Variants in AOPEP observed in about 807,000 individuals in gnomAD.
The protein encoded by AOPEP is aminopeptidase O.
In AOPEP, 77 loss-of-function variants were observed where a neutral mutation model predicts 98.1. The ratio of observed to expected loss-of-function variants is 0.78; its 90% CI spans 0.65 to 0.95. AOPEP has a LOEUF of 0.95. Ranked by LOEUF, AOPEP falls within the 40% of genes least tolerant of loss-of-function variation. The pLI is 0.00. For missense variants in AOPEP, 1,024 were observed against 1,024.7 expected, an observed-to-expected ratio of 1.00 and a Z score of 0.01; for synonymous variants, 346 against 365.3, an observed-to-expected ratio of 0.95 and a Z score of 0.60.
intron 4 of AOPEP, among the ~76,000 whole-genome samples, chr9:94,798,713 T>C (rs1250830125): frequency 6.6e-6 from 1 of 152,206 alleles, no homozygotes; most frequent in Admixed American, 6.5e-5. Context: ...AGAGATTATA[T>C]GAACTGAAAT....
intron 7 of AOPEP, among the ~76,000 whole-genome samples, 163 bp from the exon 8 acceptor site, chr9:94,955,014 G>A (rs965526892): frequency 6.6e-6 from 1 of 152,092 alleles, no homozygotes; most frequent in Non-Finnish European, 1.5e-5. Flanking sequence ...TATAAATCCC[G>A]TAGACGAGTA....
the AOPEP span, among the ~76,000 whole-genome samples, chr9:95,109,066 T>C: frequency 1.3e-5 from 2 of 152,110 alleles, no homozygotes; most frequent in African/African-American, 2.4e-5. Flanking sequence ...CACATTACCA[T>C]ACCTGGCTAA....
chr9:94,766,834 G>C (rs1449843457), intron 2 of AOPEP, among the ~76,000 whole-genome samples: 1 of 152,042 alleles, frequency 6.6e-6, no homozygotes, highest in Non-Finnish European at 1.5e-5. Context: ...TTTTTTGTTT[G>C]TTTGTTTTAG....
intron 1 of AOPEP, among the ~76,000 whole-genome samples, chr9:94,747,067 T>C (rs1195470093): frequency 6.7e-6 from 1 of 149,458 alleles, no homozygotes; most frequent in Non-Finnish European, 1.5e-5. Flanking sequence ...TGAATATACA[T>C]ATCACAATAG....
intron 5 of AOPEP, among the ~76,000 whole-genome samples, chr9:94,841,872 C>T (rs1250542784): frequency 3.9e-5 from 6 of 151,986 alleles, no homozygotes; most frequent in African/African-American, 1.4e-4. Flanking sequence ...GGCAACAAAG[C>T]GAGACCCTGT....
At chr9:94,971,452 C>A (rs527725930) in intron 10 of AOPEP, among the ~76,000 whole-genome samples, 1 of 152,152 alleles carries the variant, frequency 6.6e-6, no homozygotes, top group Non-Finnish European at 1.5e-5. Context: ...GCTATTAAAA[C>A]AGACTGTTTA....
intron 5 of AOPEP, among the ~76,000 whole-genome samples, chr9:94,912,592 A>G (rs1469942727): frequency 3.3e-5 from 5 of 152,216 alleles, no homozygotes; most frequent in African/African-American, 7.2e-5. Context: ...TTCCTTGTCC[A>G]TCTTCCACTA....
chr9:94,979,286 C>A, intron 10 of AOPEP, 81 bp from the exon 11 acceptor site: 1 of 866,720 alleles, frequency 1.2e-6, no homozygotes, highest in Non-Finnish European at 1.9e-6. Context: ...CTGTGATGTA[C>A]CCAGTTAGAG....
the AOPEP span, among the ~76,000 whole-genome samples, chr9:95,095,411 G>A: frequency 1.3e-5 from 2 of 152,204 alleles, no homozygotes; most frequent in East Asian, 1.9e-4. Context: ...TCCCTGTGTC[G>A]TGTGTGTCCC....
the AOPEP span, among the ~76,000 whole-genome samples, chr9:95,134,835 C>T: frequency 1.3e-5 from 2 of 152,162 alleles, no homozygotes; most frequent in African/African-American, 4.8e-5. Flanking sequence ...GGGAGCCAGG[C>T]GCCACCGCGC....
the AOPEP span, among the ~76,000 whole-genome samples, chr9:95,120,194 T>C: frequency 6.6e-6 from 1 of 152,240 alleles, no homozygotes; most frequent in African/African-American, 2.4e-5. Context: ...GTTGTGTGCT[T>C]TACAAGGTAA....
chr9:94,919,116 A>ATGT (rs2053237840), intron 5 of AOPEP, among the ~76,000 whole-genome samples: 1 of 152,058 alleles, frequency 6.6e-6, no homozygotes, highest in East Asian at 1.9e-4. Context: ...GGGTTTCACT[A>ATGT]TGTTGGCCAG....
intron 13 of AOPEP, among the ~76,000 whole-genome samples, chr9:95,025,668 A>G (rs1219035392): frequency 2.6e-5 from 4 of 152,232 alleles, no homozygotes; most frequent in East Asian, 1.9e-4. Flanking sequence ...AACAAATAAA[A>G]CATAACTTTG....
chr9:95,012,199 C>A (rs1295059516), intron 13 of AOPEP, among the ~76,000 whole-genome samples: 3 of 152,146 alleles, frequency 2.0e-5, no homozygotes, highest in Non-Finnish European at 2.9e-5. Flanking sequence ...TTTGAAAATT[C>A]TCTTTAGTGC....
At position 94,924,046 on chromosome 9, in the gene AOPEP, C is replaced by A. The variant is rs2053972819; in HGVS notation, c.1425C>A (p.Thr475=). Residue 475 remains threonine, a synonymous_variant, in exon 6 of 17, where the codon ACC becomes ACA. Coordinates refer to ENST00000375315, the MANE Select transcript of AOPEP (RefSeq NM_001193329.3). ...ILTGGNHLCG[T]RLCHEIAHAW... ...CAGGAGGGAACCATCTCTGTGGGACCCGCCTCTGCCATGAAATTGCCCATG... is the reference window on the plus strand; with the variant it reads ...CAGGAGGGAACCATCTCTGTGGGACACGCCTCTGCCATGAAATTGCCCATG... The A allele has an allele frequency of 6.6e-7, 1 of 1,520,750 alleles. No individual in the cohort carries two copies. The highest frequency in any genetic ancestry group is 8.8e-7 in the Non-Finnish European group (1 of 1,131,382). The allele number at this position is 1,520,750 out of a possible 1,614,324, so 94.2% of individuals were successfully genotyped here.
chr9:94,896,838 T>C (rs1016164958), intron 5 of AOPEP, among the ~76,000 whole-genome samples: 1 of 151,888 alleles, frequency 6.6e-6, no homozygotes, highest in Admixed American at 6.6e-5. Flanking sequence ...CTACAGACTT[T>C]AATAATGACA....
the AOPEP span, among the ~76,000 whole-genome samples, chr9:95,131,530 GC>G: frequency 6.6e-6 from 1 of 152,168 alleles, no homozygotes; most frequent in Non-Finnish European, 1.5e-5. Flanking sequence ...AGGATCTGGT[GC>G]CCCCCTGAGG....
rs574404062 is a variant in AOPEP, at chr9:94,738,820, C to T, written c.-136+12069C>T. Among the ~76,000 whole-genome samples the T allele has an allele frequency of 7.3e-4, 111 of 152,164 alleles. 1 individual carries two copies. Among genetic ancestry groups the T allele is most frequent in the Non-Finnish European group, 8.2e-4 (56 of 68,020 alleles). On this transcript the variant is annotated intron_variant, in intron 1 of 16. Transcript: ENST00000375315. ...CGATCTCCTGACTTCGTGATCCGCC[C>T]GCCTCAGCCTCCCAAAGTGCTGGGA...
intron 1 of AOPEP, among the ~76,000 whole-genome samples, chr9:94,741,756 G>A (rs982355375): frequency 1.3e-5 from 2 of 152,130 alleles, no homozygotes; most frequent in African/African-American, 2.4e-5. Context: ...AAGAAGGTAC[G>A]TTTCTTGGTC....
Sources: allele counts gnomAD v4.1 joint callset (sites outside exome capture counted in the v4.1 genomes callset), GRCh38; gene constraint gnomAD v4.1.1; transcripts MANE v1.5; gene names NCBI Gene and HGNC (gene_info 2026-07-23, HGNC 2026-07-21).